Variants in DLGAP1 observed in about 807,000 individuals in gnomAD.
The protein encoded by DLGAP1 is disks large-associated protein 1.
A neutral mutation model predicts 90.8 loss-of-function variants in DLGAP1; 11 were observed. That is an observed-to-expected ratio of 0.12 (90% CI 0.08 to 0.20). The LOEUF (loss-of-function observed/expected upper bound fraction) is 0.20. Among genes scored for constraint, DLGAP1 ranks in the 10% least tolerant of loss-of-function variants. DLGAP1 has a pLI of 1.00. For synonymous variants in DLGAP1, 558 were observed against 540.7 expected (o/e 1.03, Z -0.44); for missense variants, 1,050 against 1,333.8 (o/e 0.79, Z 3.31).
At chr18:3,505,207 A>G (rs921656263) in intron 11 of DLGAP1, among the ~76,000 whole-genome samples, 2 of 152,152 alleles carry the variant, frequency 1.3e-5, no homozygotes, top group East Asian at 3.9e-4. Context: ...AGTGAACTCA[A>G]ATCCTGGGTA....
chr18:3,715,136 A>T (rs1448814364), intron 7 of DLGAP1, among the ~76,000 whole-genome samples: 2 of 152,260 alleles, frequency 1.3e-5, no homozygotes, highest in African/African-American at 4.8e-5. Flanking sequence ...TTCCTGCCAC[A>T]TTCCCTCAAA....
intron 7 of DLGAP1, among the ~76,000 whole-genome samples, chr18:3,585,107 T>G (rs1356687065): frequency 1.3e-5 from 2 of 152,156 alleles, no homozygotes; most frequent in African/African-American, 4.8e-5. Flanking sequence ...ACTTCCTCAT[T>G]TTTTAGCTAA....
intron 2 of DLGAP1, among the ~76,000 whole-genome samples, chr18:4,150,128 C>A (rs2076650466): frequency 6.6e-6 from 1 of 152,202 alleles, no homozygotes; most frequent in South Asian, 2.1e-4. Flanking sequence ...CTGATTCACT[C>A]TTCCTGCTTC....
intron 1 of DLGAP1, among the ~76,000 whole-genome samples, chr18:4,312,383 C>G (rs1267811742): frequency 6.6e-6 from 1 of 152,186 alleles, no homozygotes. Flanking sequence ...TAAGGTGATA[C>G]AGATGGTCCC....
chr18:4,069,708 C>T (rs2075419702), intron 2 of DLGAP1, among the ~76,000 whole-genome samples: 1 of 152,132 alleles, frequency 6.6e-6, no homozygotes, highest in Non-Finnish European at 1.5e-5. Context: ...ATCACGCTTC[C>T]CATACCGTTT....
At chr18:4,093,144 G>GTGTATGTA in intron 2 of DLGAP1, among the ~76,000 whole-genome samples, 1 of 152,048 alleles carries the variant, frequency 6.6e-6, no homozygotes, top group East Asian at 1.9e-4. Flanking sequence ...TGTATTGTAT[G>GTGTATGTA]TGTATGTATG....
chr18:4,416,747 C>G (rs1448561713), intron 1 of DLGAP1, among the ~76,000 whole-genome samples: 6 of 152,164 alleles, frequency 3.9e-5, no homozygotes, highest in Non-Finnish European at 7.4e-5. Context: ...AAAAAGTGCT[C>G]TTGGGCTTGC....
intron 1 of DLGAP1, among the ~76,000 whole-genome samples, chr18:4,220,840 A>C (rs1396851961): frequency 6.6e-6 from 1 of 152,160 alleles, no homozygotes; most frequent in Non-Finnish European, 1.5e-5. Flanking sequence ...ACAGCAATGC[A>C]ATATATAATG....
intron 1 of DLGAP1, among the ~76,000 whole-genome samples, chr18:4,409,025 A>C (rs925850635): frequency 2.0e-5 from 3 of 152,044 alleles, no homozygotes; most frequent in African/African-American, 7.2e-5. Flanking sequence ...AAGCCAAAAA[A>C]TAAAAACAAC....
chr18:3,571,362 G>C (rs1473125585), intron 8 of DLGAP1: 1 of 151,858 alleles, frequency 6.6e-6, no homozygotes, highest in Non-Finnish European at 1.5e-5. Flanking sequence ...ATGGTCCCCT[G>C]CCCCTGGCAG....
intron 1 of DLGAP1, among the ~76,000 whole-genome samples, chr18:4,444,271 G>A (rs2144854842): frequency 6.6e-6 from 1 of 152,238 alleles, no homozygotes; most frequent in East Asian, 1.9e-4. Context: ...TGTATTCTGA[G>A]CACAGTAAAT....
intron 5 of DLGAP1, among the ~76,000 whole-genome samples, chr18:3,750,511 T>C (rs529921615): frequency 6.6e-6 from 1 of 152,286 alleles, no homozygotes; most frequent in African/African-American, 2.4e-5. Flanking sequence ...GGTCGAATGG[T>C]AGTTCCATAT....
intron 7 of DLGAP1, among the ~76,000 whole-genome samples, chr18:3,694,201 T>C (rs1019940803): frequency 1.3e-5 from 2 of 152,186 alleles, no homozygotes; most frequent in Non-Finnish European, 2.9e-5. Flanking sequence ...TCTGTGTCCC[T>C]GCAAAGGACA....
At chr18:4,377,111 ACT>A in intron 1 of DLGAP1, among the ~76,000 whole-genome samples, 1 of 152,234 alleles carries the variant, frequency 6.6e-6, no homozygotes, top group East Asian at 1.9e-4. Flanking sequence ...CTCGGAAGTC[ACT>A]GTTATGCATT....
At chr18:4,328,272 C>T (rs1171385777) in intron 1 of DLGAP1, among the ~76,000 whole-genome samples, 4 of 151,932 alleles carry the variant, frequency 2.6e-5, no homozygotes, top group Admixed American at 2.6e-4. Context: ...TTTACAAGGG[C>T]TCAGCCAATG....
chr18:3,567,984 C>T (rs1390807310), intron 8 of DLGAP1, among the ~76,000 whole-genome samples: 12 of 151,930 alleles, frequency 7.9e-5, no homozygotes, highest in East Asian at 1.9e-4. Context: ...CTACAACCTC[C>T]GCCTCCCGGG....
intron 2 of DLGAP1, among the ~76,000 whole-genome samples, chr18:4,134,793 T>C (rs2076373844): frequency 6.6e-6 from 1 of 152,056 alleles, no homozygotes; most frequent in African/African-American, 2.4e-5. Flanking sequence ...ACATGATTTT[T>C]TTTCCCCAGG....
At chr18:3,814,612 C>T (rs1016309069) in intron 4 of DLGAP1, among the ~76,000 whole-genome samples, 9 of 152,062 alleles carry the variant, frequency 5.9e-5, no homozygotes, top group Admixed American at 5.2e-4. Flanking sequence ...CTGCCCGCCT[C>T]GGCCTCCCAA....
chr18:3,908,751 GATTATAATA>G (rs1568294222), intron 3 of DLGAP1, among the ~76,000 whole-genome samples: 1 of 152,140 alleles, frequency 6.6e-6, no homozygotes, highest in South Asian at 2.1e-4. Context: ...ATTTTGCACT[GATTATAATA>G]CATTTTTAGT....
Sources: allele counts gnomAD v4.1 joint callset (sites outside exome capture counted in the v4.1 genomes callset), GRCh38; gene constraint gnomAD v4.1.1; transcripts MANE v1.5; gene names NCBI Gene and HGNC (gene_info 2026-07-23, HGNC 2026-07-21).